Variants in ZNF318 observed in about 807,000 individuals in gnomAD.
ZNF318 encodes the protein endocrine regulator.
A neutral mutation model predicts 124.2 loss-of-function variants in ZNF318; 51 were observed. The observed-to-expected ratio is 0.41, with a 90% confidence interval of 0.33 to 0.52. ZNF318 has a LOEUF of 0.52. Among genes scored for constraint, ZNF318 ranks in the 20% least tolerant of loss-of-function variants. The pLI, the probability that ZNF318 is intolerant of heterozygous loss-of-function variation, is 0.23. For synonymous variants in ZNF318, 1,090 were observed against 1,040.7 expected (o/e 1.05, Z -0.91); for missense variants, 2,815 against 2,811.2 (o/e 1.00, Z -0.03).
At chr6:43,354,130 T>A (rs1050232265) in intron 4 of ZNF318, among the ~76,000 whole-genome samples, 4 of 152,108 alleles carry the variant, frequency 2.6e-5, no homozygotes, top group African/African-American at 9.7e-5. Flanking sequence ...CGTAATTTTT[T>A]AAATAAATAA....
intron 6 of ZNF318, among the ~76,000 whole-genome samples, chr6:43,347,761 G>GA (rs1292764924): frequency 6.6e-6 from 1 of 152,112 alleles, no homozygotes; most frequent in African/African-American, 2.4e-5. Context: ...GGCCTAGGAA[G>GA]AAAGAGCAAA....
chr6:43,348,474 G>T lies in ZNF318; in HGVS notation c.2922C>A (p.Asp974Glu). Reference protein sequence around the residue: ...EEAEKKQSELDKVAQILGINI... With the variant: ...EEAEKKQSELEKVAQILGINI... ...TAATTCCCAAGATCTGAGCCACTTT[G>T]TCCAGTTCAGATTGCTTCTTTTCTG... is the stretch of plus-strand genomic sequence containing the variant. Residue 974 changes from aspartate to glutamate, a missense_variant, in exon 6 of 10, where the codon GAC becomes GAA. Around this residue, in one of 4 missense-constraint regions of ZNF318, gnomAD observed 1,377 missense variants for 1,353.5 expected, o/e 1.02. Coordinates refer to ENST00000361428, the MANE Select transcript of ZNF318 (RefSeq NM_014345.3). 6.2e-7 allele frequency: 1 copy of T among 1,614,096 alleles called. No homozygotes were observed. The highest frequency in any genetic ancestry group is 8.5e-7 in the Non-Finnish European group (1 of 1,180,012).
At position 43,358,775 on chromosome 6, in the gene ZNF318, C is replaced by T. The variant is rs891163792; in HGVS notation, c.549-1010G>A. Among the ~76,000 whole-genome samples the T allele has an allele frequency of 4.8e-4, 73 of 152,146 alleles. 1 individual carries two copies. Among genetic ancestry groups the T allele is most frequent in the South Asian group, 6.2e-4 (3 of 4,820 alleles). On this transcript the variant is annotated intron_variant, in intron 2 of 9. Transcript: ENST00000361428. Reference sequence around the variant, plus strand: ...TTTCACATGTTGGCCAGGCTGGTCTCGAACTCCTGATCTCAGGTGATCTGC... The same window carrying T: ...TTTCACATGTTGGCCAGGCTGGTCTTGAACTCCTGATCTCAGGTGATCTGC...
At chr6:43,349,456 C>G (rs1250558913) in intron 5 of ZNF318, among the ~76,000 whole-genome samples, 1 of 147,616 alleles carries the variant, frequency 6.8e-6, no homozygotes, top group Non-Finnish European at 1.5e-5. Context: ...AACTCCTGAG[C>G]TCAAAGTGAT....
At chr6:43,353,715 A>G (rs1779564986) in intron 4 of ZNF318, among the ~76,000 whole-genome samples, 1 of 152,132 alleles carries the variant, frequency 6.6e-6, no homozygotes, top group Non-Finnish European at 1.5e-5. Flanking sequence ...GACACATTAC[A>G]TTTTTATGTT....
chr6:43,352,454 A>T lies in ZNF318; in HGVS notation c.2693T>A (p.Leu898Gln). ...KQKVIEEREK[L>Q]KNDREARQKK... ...CTGGCGGGCTTCCCGGTCATTCTTTAGTTTTTCCCTCTCTTCAATAACCTG... is the reference window on the plus strand; with the variant it reads ...CTGGCGGGCTTCCCGGTCATTCTTTTGTTTTTCCCTCTCTTCAATAACCTG... Residue 898 changes from leucine to glutamine, a missense_variant, in exon 5 of 10, where the codon CTA becomes CAA. Transcript: ENST00000361428. The T allele has an allele frequency of 6.2e-7, 1 of 1,614,092 alleles. No homozygotes were observed.
intron 5 of ZNF318, among the ~76,000 whole-genome samples, chr6:43,351,710 A>G (rs1405471212): frequency 1.3e-5 from 2 of 151,858 alleles, no homozygotes; most frequent in African/African-American, 4.8e-5. Flanking sequence ...GCAGTGAGCC[A>G]AGACTGCACC....
chr6:43,348,554 G>A lies in ZNF318; in HGVS notation c.2842C>T (p.Leu948Phe). 6.2e-7 allele frequency: 1 copy of A among 1,614,074 alleles called. No homozygotes were observed. Among genetic ancestry groups the A allele is most frequent in the Non-Finnish European group, 8.5e-7 (1 of 1,180,014 alleles). ...ATGTCCTTCATAATGTTATCCTGAA[G>A]CCGACTCACCTCCACCAAGAGAGGA... ...KDPLLVEVSRLQDNIMKDIAE... is the reference protein window; with the variant it reads ...KDPLLVEVSRFQDNIMKDIAE... Residue 948 changes from leucine to phenylalanine, a missense_variant, in exon 6 of 10, where the codon CTT becomes TTT. Coordinates refer to ENST00000361428, the MANE Select transcript of ZNF318 (RefSeq NM_014345.3).
chr6:43,340,802 A>G lies in ZNF318; in HGVS notation c.3483T>C (p.Asn1161=). The G allele has an allele frequency of 6.2e-6, 10 of 1,612,934 alleles. No individual in the cohort carries two copies. Among genetic ancestry groups the G allele is most frequent in the Non-Finnish European group, 6.8e-6 (8 of 1,178,848 alleles). The part of the protein sequence containing the change: ...GEQHVKGHQH[N]EKYKKYVDEN... ...TACAAAGACCAACCTTGTATTTCTC[A>G]TTGTGTTGGTGACCCTTCACATGTT... Residue 1161 remains asparagine (N), a synonymous_variant, in exon 9 of 10, where the codon AAT becomes AAC. Transcript: ENST00000361428.
At chr6:43,348,692 G>A in intron 5 of ZNF318, 67 bp from the exon 6 acceptor site, 1 of 1,533,564 alleles carries the variant, frequency 6.5e-7, no homozygotes, top group Admixed American at 1.9e-5. Flanking sequence ...TCATTTACAA[G>A]CAATAATTTG....
At chr6:43,365,063 C>T (rs113223723) in intron 2 of ZNF318, among the ~76,000 whole-genome samples, 4 of 152,276 alleles carry the variant, frequency 2.6e-5, no homozygotes, top group African/African-American at 9.6e-5. Flanking sequence ...ACTCAGATGA[C>T]CTTTTTAAAG....
chr6:43,369,196 G>T lies in ZNF318; in HGVS notation c.170C>A (p.Pro57His). 8.3e-7 allele frequency: 1 copy of T among 1,212,116 alleles called. No individual in the cohort carries two copies. Among genetic ancestry groups the T allele is most frequent in the South Asian group, 3.9e-5 (1 of 25,610 alleles). 75.1% of individuals were successfully genotyped at this position (1,212,116 alleles called of 1,614,324 possible). Residue 57 changes from proline (P) to histidine (H), a missense_variant, in exon 1 of 10, where the codon CCC becomes CAC. Transcript: ENST00000361428. ...GCCGCGGTGCCCTGAGGGCGAGCGG[G>T]GTCGGCGAGCCGGGGTCCGCGACGA... ...GSSSRTPARRPRSPSGHRGRR... is the reference protein window; with the variant it reads ...GSSSRTPARRHRSPSGHRGRR...
At position 43,357,411 on chromosome 6, in the gene ZNF318, C is replaced by T. The variant is rs1185964327; in HGVS notation, c.903G>A (p.Gln301=). The change falls in exon 3 of 10, where the codon CAG becomes CAA. Residue 301 remains glutamine, a synonymous_variant. Coordinates refer to ENST00000361428, the MANE Select transcript of ZNF318 (RefSeq NM_014345.3). ...ACCTAGGACTTGGGCTTCTTCTACG[C>T]TGTCGATAGTTGCGAGTTCCTGATG... The part of the protein sequence containing the change: ...SFTSGTRNYR[Q]RRRSPSPRFL... 1 of 1,614,080 alleles carries T rather than the reference C, an allele frequency of 6.2e-7. No individual in the cohort carries two copies. Among genetic ancestry groups the T allele is most frequent in the African/African-American group, 1.3e-5 (1 of 74,932 alleles).
chr6:43,368,581 AG>A (rs1365603962), intron 1 of ZNF318: 1 of 836,304 alleles, frequency 1.2e-6, no homozygotes, highest in Admixed American at 6.2e-5. Flanking sequence ...CCTAAGATCC[AG>A]GAAGGCAGCT....
At chr6:43,356,276 A>G in intron 3 of ZNF318, 131 bp from the exon 4 acceptor site, 1 of 955,934 alleles carries the variant, frequency 1.0e-6, no homozygotes, top group Non-Finnish European at 1.5e-6. Flanking sequence ...AAGGGAGGAA[A>G]AGTATCCTTA....
chr6:43,352,335 G>C (rs751694121), intron 5 of ZNF318, 42 bp downstream of exon 5: 4 of 1,376,190 alleles, frequency 2.9e-6, no homozygotes, highest in Non-Finnish European at 3.8e-6. Flanking sequence ...GGTCTCCTAC[G>C]CAAGTTATTA....
chr6:43,343,140 A>C (rs188711263), intron 6 of ZNF318, among the ~76,000 whole-genome samples: 1 of 152,334 alleles, frequency 6.6e-6, no homozygotes, highest in Non-Finnish European at 1.5e-5. Context: ...ATATCTCTAG[A>C]AGAACAGCCA....
rs1779799926 is a variant in ZNF318 at position 43,369,077 on chromosome 6, G to C, written c.289C>G (p.Arg97Gly). The C allele has an allele frequency of 7.7e-7, 1 of 1,306,010 alleles. No homozygotes were observed. Among genetic ancestry groups the C allele is most frequent in the East Asian group, 3.1e-5 (1 of 32,014 alleles). The allele number at this position is 1,306,010 out of a possible 1,614,324, so 80.9% of individuals were successfully genotyped here. A position where few individuals can be genotyped will look rare whatever the true frequency, so the allele number is the denominator to read the frequency against. ...RGSPSPPRGR[R>G]LFPPGPAGFR... is the part of the protein sequence containing the mutation. Reference sequence around the variant, plus strand: ...CCGGCCGGGCCCGGCGGGAAGAGTCGTCGGCCCCGCGGTGGCGACGGGGAG... The same window carrying C: ...CCGGCCGGGCCCGGCGGGAAGAGTCCTCGGCCCCGCGGTGGCGACGGGGAG... Residue 97 changes from arginine to glycine, a missense_variant, in exon 1 of 10, where the codon CGA becomes GGA. Arg to Gly is a moderately radical substitution (Grantham distance 125). Transcript: ENST00000361428.
Position 43,355,269 on chromosome 6 carries a change from G to A in ZNF318, c.2065C>T (p.Pro689Ser). The A allele has an allele frequency of 6.2e-7, 1 of 1,614,192 alleles. No individual in the cohort carries two copies. Among genetic ancestry groups the A allele is most frequent in the East Asian group, 2.2e-5 (1 of 44,880 alleles). The change falls in exon 4 of 10, where the codon CCA (proline) becomes TCA (serine). Residue 689 changes from proline (P) to serine (S), a missense_variant. Around this residue, in one of 4 missense-constraint regions of ZNF318, gnomAD observed 1,377 missense variants for 1,353.5 expected, o/e 1.02. Transcript: ENST00000361428. ...GGTGGGTGTGGATGGGACACCTCTG[G>A]AGAGTGGGTATTGCTATGATGTGCC... Reference protein sequence around the residue: ...REAHHSNTHSPEVSHPHPPSP... With the variant: ...REAHHSNTHSSEVSHPHPPSP...
Sources: gnomAD v4.1 joint callset for allele counts (sites outside exome capture counted in the v4.1 genomes callset) on GRCh38, gnomAD v4.1.1 for gene constraint, gnomAD v4.1.1 regional missense constraint, MANE v1.5 for transcripts, NCBI Gene and HGNC (gene_info 2026-07-23, HGNC 2026-07-21) for gene names.